Variants in GABRG3 observed in about 807,000 individuals in gnomAD.
GABRG3 encodes the protein gamma-aminobutyric acid type A receptor subunit gamma3.
A neutral mutation model predicts 48.8 loss-of-function variants in GABRG3; 25 were observed. The ratio of observed to expected loss-of-function variants is 0.51; its 90% CI spans 0.37 to 0.72. GABRG3 has a LOEUF of 0.72. Ranked by LOEUF, GABRG3 falls within the 30% of genes least tolerant of loss-of-function variation. GABRG3 has a pLI of 0.00. For synonymous variants in GABRG3, 227 were observed against 217.6 expected (o/e 1.04, Z -0.38); for missense variants, 394 against 577.9 (o/e 0.68, Z 3.26).
At position 27,180,438 on chromosome 15, in the gene GABRG3, C is replaced by T. The variant is rs1887892844; in HGVS notation, c.271-146371C>T. 6.6e-6 allele frequency among the ~76,000 whole-genome samples: 1 copy of T among 152,098 alleles called. No individual in the cohort carries two copies. The highest frequency in any genetic ancestry group is 6.5e-5 in the Admixed American group (1 of 15,276). ...TGAGGTCACGTTGTGCATCCATTGT[C>T]ACACTCGGGACTCTCTGCCTACCCT... is the stretch of plus-strand genomic sequence containing the variant. On this transcript the variant is annotated intron_variant, in intron 3 of 9. Coordinates refer to ENST00000615808, the MANE Select transcript of GABRG3 (RefSeq NM_033223.5). This position sits in a 1 kb window ranked among gnomAD's most constrained non-coding sequence, Gnocchi z 4.2.
intron 5 of GABRG3, among the ~76,000 whole-genome samples, chr15:27,377,457 AG>A (rs1323024570): frequency 6.6e-6 from 1 of 152,200 alleles, no homozygotes; most frequent in Non-Finnish European, 1.5e-5. Flanking sequence ...AAGAGGTTTA[AG>A]GACTCACAGT....
intron 3 of GABRG3, among the ~76,000 whole-genome samples, chr15:27,298,522 C>T (rs1363137723): frequency 2.0e-5 from 3 of 152,098 alleles, no homozygotes; most frequent in South Asian, 2.1e-4. Flanking sequence ...CTCAGTAAAT[C>T]AGCACGTTAC....
rs1491272165 is a variant in GABRG3 at position 27,307,421 on chromosome 15, A to AGGTT, written c.271-19388_271-19387insGGTT. Among the ~76,000 whole-genome samples, 202 of 53,588 alleles carry AGGTT rather than the reference A, an allele frequency of 3.8e-3. 28 individuals are homozygous for AGGTT. Among genetic ancestry groups the AGGTT allele is most frequent in the Non-Finnish European group, 6.9e-3 (131 of 19,014 alleles). 35.2% of individuals were successfully genotyped at this position (53,588 alleles called of 152,430 possible). A position where few individuals can be genotyped will look rare whatever the true frequency, so the allele number is the denominator to read the frequency against. ...TAGGTTTATATATTTATATATAAACATATAGGTTTATATATTTATATATAA... is the reference window on the plus strand; with the variant it reads ...TAGGTTTATATATTTATATATAAACAGGTTTATAGGTTTATATATTTATATATAA... On this transcript the variant is annotated intron_variant, in intron 3 of 9. Transcript: ENST00000615808.
At chr15:27,187,215 G>A (rs561118642) in intron 3 of GABRG3, among the ~76,000 whole-genome samples, 18 of 152,234 alleles carry the variant, frequency 1.2e-4, no homozygotes, top group Middle Eastern at 3.4e-3. Flanking sequence ...TGTTGGCTTT[G>A]TCGAAGATTA....
chr15:27,205,028 T>C (rs1888808343), intron 3 of GABRG3, among the ~76,000 whole-genome samples: 1 of 151,886 alleles, frequency 6.6e-6, no homozygotes, highest in Non-Finnish European at 1.5e-5. Flanking sequence ...TGTGTGTCTT[T>C]TTTTTCTATG....
At chr15:27,229,476 G>GTTGT (rs1233012962) in intron 3 of GABRG3, among the ~76,000 whole-genome samples, 1 of 150,606 alleles carries the variant, frequency 6.6e-6, no homozygotes, top group African/African-American at 2.5e-5. Flanking sequence ...TGTGTGTGTT[G>GTTGT]TTGTTTGTTT....
chr15:27,430,349 T>C (rs1236366277), intron 5 of GABRG3, among the ~76,000 whole-genome samples: 1 of 152,250 alleles, frequency 6.6e-6, no homozygotes, highest in Non-Finnish European at 1.5e-5. Context: ...ATTCTGTGTG[T>C]TGACTTTCCA....
At chr15:27,309,017 TTA>T (rs1171708410) in intron 3 of GABRG3, among the ~76,000 whole-genome samples, 1 of 150,550 alleles carries the variant, frequency 6.6e-6, no homozygotes, top group African/African-American at 2.4e-5. Context: ...AAATATATGT[TTA>T]TATAGAAACA....
chr15:27,057,213 A>G (rs1896563938), intron 3 of GABRG3, among the ~76,000 whole-genome samples: 1 of 152,118 alleles, frequency 6.6e-6, no homozygotes, highest in Non-Finnish European at 1.5e-5. Context: ...CCTAACTCAC[A>G]CACATGAAAC....
chr15:27,421,626 T>G (rs2140611610), intron 5 of GABRG3, among the ~76,000 whole-genome samples: 1 of 151,452 alleles, frequency 6.6e-6, no homozygotes, highest in Admixed American at 6.6e-5. Context: ...CAGGCATCCA[T>G]GGGAGTTGGC....
chr15:27,175,055 C>T (rs142343343), intron 3 of GABRG3, among the ~76,000 whole-genome samples: 56 of 152,288 alleles, frequency 3.7e-4, no homozygotes, highest in African/African-American at 1.2e-3. Flanking sequence ...CTGTGTCTCT[C>T]GGCCTTCCAG....
chr15:27,426,427 C>A (rs1413585084), intron 5 of GABRG3, among the ~76,000 whole-genome samples: 1 of 152,176 alleles, frequency 6.6e-6, no homozygotes, highest in Non-Finnish European at 1.5e-5. Context: ...GCCAGGCAGT[C>A]CCATGGGAAA....
At position 27,533,045 on chromosome 15, in the gene GABRG3, T is replaced by C; in HGVS notation, c.*164T>C. 1.6e-6 allele frequency: 1 copy of C among 629,666 alleles called. No homozygotes were observed. Among genetic ancestry groups the C allele is most frequent in the East Asian group, 2.8e-5 (1 of 36,306 alleles). 39.0% of individuals were successfully genotyped at this position (629,666 alleles called of 1,614,324 possible). On this transcript the variant is annotated 3_prime_UTR_variant, in exon 10 of 10. Coordinates refer to ENST00000615808, the MANE Select transcript of GABRG3 (RefSeq NM_033223.5). ...ACAGGAAGTACCCAGCAAAGGTTTC[T>C]ATTATGTATTTTACACACACACATA...
At chr15:27,388,143 TAAGGAAGG>T (rs1228688309) in intron 5 of GABRG3, among the ~76,000 whole-genome samples, 6 of 25,396 alleles carry the variant, frequency 2.4e-4, no homozygotes, top group Non-Finnish European at 3.8e-4. Flanking sequence ...GGAGGGAGGG[TAAGGAAGG>T]AAGGAAGAAA....
chr15:27,083,890 C>T (rs1228021576), intron 3 of GABRG3, among the ~76,000 whole-genome samples: 5 of 152,186 alleles, frequency 3.3e-5, no homozygotes, highest in East Asian at 1.9e-4. Flanking sequence ...AATAAGCCTC[C>T]GTGTTGACAT....
intron 3 of GABRG3, among the ~76,000 whole-genome samples, chr15:27,165,184 C>T (rs1259041371): frequency 6.6e-6 from 1 of 152,116 alleles, no homozygotes; most frequent in Non-Finnish European, 1.5e-5. Flanking sequence ...ATTTTCTTTC[C>T]TTTTTGCCTG....
intron 3 of GABRG3, among the ~76,000 whole-genome samples, chr15:27,213,325 A>G (rs1437493567): frequency 6.6e-6 from 1 of 152,186 alleles, no homozygotes; most frequent in African/African-American, 2.4e-5. Flanking sequence ...ATTGGCTTTT[A>G]TTTGCAATTC....
intron 3 of GABRG3, among the ~76,000 whole-genome samples, chr15:27,140,069 G>A (rs1172387782): frequency 6.6e-6 from 1 of 152,228 alleles, no homozygotes; most frequent in African/African-American, 2.4e-5. Flanking sequence ...CTTGCCCTGT[G>A]CATCACTTTA....
chr15:27,455,373 C>CGTGAGT (rs1889233357), intron 5 of GABRG3, among the ~76,000 whole-genome samples: 1 of 69,244 alleles, frequency 1.4e-5, no homozygotes, highest in Non-Finnish European at 3.0e-5. Context: ...GTGGGTGGTT[C>CGTGAGT]GTGTATGGGG....
Sources: allele counts gnomAD v4.1 joint callset (sites outside exome capture counted in the v4.1 genomes callset), GRCh38; gene constraint gnomAD v4.1.1; non-coding constraint Gnocchi (gnomAD v3.1); transcripts MANE v1.5; gene names NCBI Gene and HGNC (gene_info 2026-07-23, HGNC 2026-07-21).